TPRG1: variants seen among roughly 807,000 people sequenced by gnomAD.
The protein encoded by TPRG1 is tumor protein p63-regulated gene 1 protein.
A neutral mutation model predicts 29.3 loss-of-function variants in TPRG1; 29 were observed. That is an observed-to-expected ratio of 0.99 (90% confidence interval 0.74 to 1.35). The LOEUF (loss-of-function observed/expected upper bound fraction) is 1.35. Among genes scored for constraint, TPRG1 ranks in the 40% most tolerant of loss-of-function variants. TPRG1 has a pLI of 0.00. For missense variants in TPRG1, 327 were observed against 335.0 expected, an observed-to-expected ratio of 0.98 and a Z score of 0.19; for synonymous variants, 130 against 116.8, an observed-to-expected ratio of 1.11 and a Z score of -0.73.
intron 4 of TPRG1, among the ~76,000 whole-genome samples, chr3:189,056,031 CCCTTCCTTCCTTCCTTCCTT>C (rs1192339496): frequency 0.016 from 952 of 58,402 alleles, 15 homozygotes; most frequent in Non-Finnish European, 0.017. Flanking sequence ...TTCCCTCCCT[CCCTTCCTTCCTTCCTTCCTT>C]CCTTCCTTCC....
chr3:189,148,790 C>T (rs1469705156), intron 4 of TPRG1, among the ~76,000 whole-genome samples: 1 of 152,234 alleles, frequency 6.6e-6, no homozygotes, highest in Non-Finnish European at 1.5e-5. Flanking sequence ...TCTCTCATTA[C>T]TTGAAATCAC....
intron 4 of TPRG1, among the ~76,000 whole-genome samples, chr3:189,061,681 T>A (rs879531260): frequency 2.0e-5 from 3 of 152,002 alleles, no homozygotes; most frequent in African/African-American, 4.8e-5. Flanking sequence ...ACAAGCATAT[T>A]TAAAAAGCAC....
chr3:189,048,705 T>G (rs184805741), intron 4 of TPRG1, among the ~76,000 whole-genome samples: 1 of 152,288 alleles, frequency 6.6e-6, no homozygotes, highest in African/African-American at 2.4e-5. Context: ...CTGTGAATTT[T>G]ACCTCCAGAT....
intron 4 of TPRG1, among the ~76,000 whole-genome samples, chr3:189,293,092 T>C (rs1481090420): frequency 6.6e-6 from 1 of 152,202 alleles, no homozygotes; most frequent in Non-Finnish European, 1.5e-5. Flanking sequence ...TTTATGTCAT[T>C]CATTAGGCAT....
chr3:189,051,593 AT>A (rs1187734319), intron 4 of TPRG1, among the ~76,000 whole-genome samples: 1 of 152,186 alleles, frequency 6.6e-6, no homozygotes, highest in African/African-American at 2.4e-5. Flanking sequence ...AGAAAAAAAA[AT>A]TCTAAAATTT....
intron 4 of TPRG1, among the ~76,000 whole-genome samples, chr3:189,288,710 G>T (rs538455409): frequency 1.5e-3 from 224 of 152,318 alleles, no homozygotes; most frequent in Non-Finnish European, 2.6e-3. Flanking sequence ...GAGCTAAGTC[G>T]CAGTTTCAAA....
chr3:189,218,120 C>CT (rs974925236), intron 3 of TPRG1: 7,110 of 766,316 alleles, frequency 9.3e-3, no homozygotes, highest in Non-Finnish European at 0.01. Flanking sequence ...AAGATTCTCT[C>CT]TTTTTTTTTT....
chr3:189,130,800 C>T (rs938970187), intron 2 of TPRG1, among the ~76,000 whole-genome samples: 2 of 152,206 alleles, frequency 1.3e-5, no homozygotes, highest in African/African-American at 4.8e-5. Context: ...TATATTCCAG[C>T]TATAACAGGC....
At chr3:189,176,602 T>A (rs1729521068) in intron 1 of TPRG1, among the ~76,000 whole-genome samples, 1 of 152,172 alleles carries the variant, frequency 6.6e-6, no homozygotes, top group Non-Finnish European at 1.5e-5. Context: ...GAGCTAGATT[T>A]TGGACAGGGT....
chr3:189,213,715 T>C (rs1023964123), intron 2 of TPRG1, among the ~76,000 whole-genome samples: 1 of 152,192 alleles, frequency 6.6e-6, no homozygotes, highest in Non-Finnish European at 1.5e-5. Context: ...TTTAGGCATA[T>C]AGAAGCAAAC....
intron 1 of TPRG1, among the ~76,000 whole-genome samples, chr3:189,202,883 C>G (rs768560109): frequency 6.6e-6 from 1 of 152,182 alleles, no homozygotes; most frequent in African/African-American, 2.4e-5. Context: ...AAAGTGCCTC[C>G]AGTTTGCCAG....
chr3:189,207,893 A>G (rs550015724), intron 2 of TPRG1, among the ~76,000 whole-genome samples: 3 of 152,348 alleles, frequency 2.0e-5, no homozygotes, highest in African/African-American at 7.2e-5. Context: ...CTAGTATTCC[A>G]TAAAGAGAGA....
Position 189,304,428 on chromosome 3 carries a change from G to A in TPRG1, c.480-5958G>A, listed in dbSNP as rs376536986. On this transcript the variant is annotated intron_variant, in intron 4 of 5. Transcript: ENST00000345063. Reference sequence around the variant, plus strand: ...TATTTATTACTTACCTCTGCCTCAAGTAATATAACCCATACAATTTCTTGG... The same window carrying A: ...TATTTATTACTTACCTCTGCCTCAAATAATATAACCCATACAATTTCTTGG... Among the ~76,000 whole-genome samples the A allele has an allele frequency of 1.4e-4, 21 of 152,068 alleles. No homozygotes were observed. The East Asian group carries it at 3.5e-3, about 25-fold the overall frequency.
intron 5 of TPRG1, among the ~76,000 whole-genome samples, chr3:189,163,152 A>C (rs1025029815): frequency 6.6e-6 from 1 of 152,162 alleles, no homozygotes; most frequent in Non-Finnish European, 1.5e-5. Context: ...AGGTGCCTGT[A>C]ATCCCAGCTA....
chr3:189,092,531 C>T (rs1019111931), intron 4 of TPRG1, among the ~76,000 whole-genome samples: 7 of 151,314 alleles, frequency 4.6e-5, no homozygotes, highest in Non-Finnish European at 8.8e-5. Flanking sequence ...TTCTCGCTTC[C>T]GGTATTGATT....
rs192785746 is a variant in TPRG1 at position 189,292,877 on chromosome 3, T to G, written c.480-17509T>G. Reference sequence around the variant, plus strand: ...ACAAGGAAGGCTAGGAAGCATTGTTTAGAAAGGTGTCCTTGGAGGTAAGGG... The same window carrying G: ...ACAAGGAAGGCTAGGAAGCATTGTTGAGAAAGGTGTCCTTGGAGGTAAGGG... On this transcript the variant is annotated intron_variant, in intron 4 of 5. Coordinates refer to ENST00000345063, the MANE Select transcript of TPRG1 (RefSeq NM_198485.4). Among the ~76,000 whole-genome samples the G allele has an allele frequency of 1.6e-3, 248 of 152,272 alleles. 4 individuals are homozygous for G. Among genetic ancestry groups the G allele is most frequent in the Admixed American group, 3.5e-3 (53 of 15,304 alleles).
intron 4 of TPRG1, among the ~76,000 whole-genome samples, chr3:189,267,070 A>C (rs1273835111): frequency 6.6e-6 from 1 of 152,178 alleles, no homozygotes; most frequent in Admixed American, 6.5e-5. Flanking sequence ...CACATATATG[A>C]TGGCAGTCCC....
chr3:189,103,031 C>T (rs1023067894), intron 1 of TPRG1, among the ~76,000 whole-genome samples: 10 of 152,114 alleles, frequency 6.6e-5, no homozygotes, highest in African/African-American at 2.4e-5. Context: ...TTTGGTGCTT[C>T]GTCTGTAATT....
At chr3:189,066,894 A>G (rs1256692308) in intron 4 of TPRG1, among the ~76,000 whole-genome samples, 1 of 152,150 alleles carries the variant, frequency 6.6e-6, no homozygotes, top group East Asian at 1.9e-4. Flanking sequence ...TTCTTTGTGG[A>G]TGATACAATC....
Sources: gnomAD v4.1 joint callset for allele counts (sites outside exome capture counted in the v4.1 genomes callset) on GRCh38, gnomAD v4.1.1 for gene constraint, MANE v1.5 for transcripts, NCBI Gene and HGNC (gene_info 2026-07-23, HGNC 2026-07-21) for gene names.